The following MICU2 variants were observed in gnomAD, a reference collection of about 807,000 sequenced individuals.
MICU2 encodes mitochondrial calcium uptake 2.
MICU2 carries 64 observed loss-of-function variants against 60.4 expected under a neutral mutation model. That is an observed-to-expected ratio of 1.06 (90% CI 0.87 to 1.31). The LOEUF (loss-of-function observed/expected upper bound fraction) is 1.31, where lower values mean the gene tolerates loss of function less well. Among genes scored for constraint, MICU2 ranks in the 50% most tolerant of loss-of-function variants. The probability of loss-of-function intolerance (pLI) is 0.00; values close to 1 mark genes in which losing one functional copy is unlikely to be tolerated. For synonymous variants in MICU2, 201 were observed against 175.0 expected, an observed-to-expected ratio of 1.15 and a Z score of -1.17; for missense variants, 569 against 531.0, an observed-to-expected ratio of 1.07 and a Z score of -0.70.
chr13:21,567,109 A>T (rs1888003701), intron 1 of MICU2, among the ~76,000 whole-genome samples, 165 bp from the exon 2 acceptor site: 1 of 152,254 alleles, frequency 6.6e-6, no homozygotes, highest in South Asian at 2.1e-4. Context: ...CGCACTGAAG[A>T]TACAATAGTG....
intron 4 of MICU2, among the ~76,000 whole-genome samples, chr13:21,527,082 T>C (rs2138175089): frequency 1.3e-5 from 2 of 152,338 alleles, no homozygotes; most frequent in Middle Eastern, 6.8e-3. Flanking sequence ...TTGTTTCTAT[T>C]TTGGAGCAGG....
At position 21,514,405 on chromosome 13, in the gene MICU2, A is replaced by C; in HGVS notation, c.611T>G (p.Ile204Arg). 1 of 1,613,480 alleles carries C rather than the reference A, an allele frequency of 6.2e-7. No homozygotes were observed. Among genetic ancestry groups the C allele is most frequent in the East Asian group, 2.2e-5 (1 of 44,808 alleles). ...KREFFKLQKIISKQDDLMTVK... is the reference protein window; with the variant it reads ...KREFFKLQKIRSKQDDLMTVK... ...TGTCATCAAGTCATCTTGTTTACTT[A>C]TGATCTTCTGCAGCTAAAAAGATTA... Residue 204 changes from isoleucine to arginine, a missense_variant, in exon 7 of 12, where the codon ATA becomes AGA. Physicochemically the swap from Ile to Arg is moderately conservative, Grantham distance 97. Coordinates refer to ENST00000382374, the MANE Select transcript of MICU2 (RefSeq NM_152726.3).
At chr13:21,590,296 C>A (rs1342374453) in intron 1 of MICU2, among the ~76,000 whole-genome samples, 1 of 152,162 alleles carries the variant, frequency 6.6e-6, no homozygotes. Flanking sequence ...ATTCAACATT[C>A]TTAAAGAAAA....
chr13:21,505,015 A>T (rs7993735), intron 8 of MICU2, among the ~76,000 whole-genome samples: 148,378 of 152,264 alleles, frequency 0.97, 72,402 homozygotes, highest in Middle Eastern at 1. Context: ...TTTTTAACAA[A>T]CTCAGCCCTA....
intron 2 of MICU2, 96 bp downstream of exon 2, chr13:21,566,701 T>C (rs1015180200): frequency 9.5e-7 from 1 of 1,050,982 alleles, no homozygotes; most frequent in Non-Finnish European, 1.4e-6. Flanking sequence ...AAGATGATAA[T>C]TAAAATGAAG....
rs569988333 is a variant in MICU2 at position 21,575,354 on chromosome 13, T to C, written c.211-8410A>G. ...TCTTCCATAATTACCTTCCAAGAGGTACACCATAACTACATATATTTCTGT... is the reference window on the plus strand; with the variant it reads ...TCTTCCATAATTACCTTCCAAGAGGCACACCATAACTACATATATTTCTGT... On this transcript the variant is annotated intron_variant, in intron 1 of 11. Coordinates refer to ENST00000382374, the MANE Select transcript of MICU2 (RefSeq NM_152726.3). Among the ~76,000 whole-genome samples, 6 of 151,052 alleles carry C rather than the reference T, an allele frequency of 4.0e-5. No individual in the cohort carries two copies. The South Asian group carries it at 1.0e-3, about 26-fold the overall frequency.
Position 21,521,241 on chromosome 13 carries a change from T to C in MICU2, c.597+4A>G. ...TAAACCTAAAATAATTAGCGTCCACTTACCTTAAAAAATTCCCTTTTTTCA... is the reference window on the plus strand; with the variant it reads ...TAAACCTAAAATAATTAGCGTCCACCTACCTTAAAAAATTCCCTTTTTTCA... On this transcript the variant is annotated splice_donor_region_variant and intron_variant, in intron 6 of 11. Coordinates refer to ENST00000382374, the MANE Select transcript of MICU2 (RefSeq NM_152726.3). 6.3e-7 allele frequency: 1 copy of C among 1,593,918 alleles called. No homozygotes were observed. The highest frequency in any genetic ancestry group is 8.5e-7 in the Non-Finnish European group (1 of 1,171,286).
Position 21,493,133 on chromosome 13 carries a change from G to T in MICU2, c.*116C>A. Reference sequence around the variant, plus strand: ...GAATCAGAAAGCAAGTACAAGACATGCTTATTTCACACAGAATATCAATGA... The same window carrying T: ...GAATCAGAAAGCAAGTACAAGACATTCTTATTTCACACAGAATATCAATGA... On this transcript the variant is annotated 3_prime_UTR_variant, in exon 12 of 12. Transcript: ENST00000382374. The T allele has an allele frequency of 1.8e-6, 1 of 554,918 alleles. No homozygotes were observed. Among genetic ancestry groups the T allele is most frequent in the Non-Finnish European group, 3.0e-6 (1 of 336,534 alleles). The allele number at this position is 554,918 out of a possible 1,614,324, so 34.4% of individuals were successfully genotyped here. A position where few individuals can be genotyped will look rare whatever the true frequency, so the allele number is the denominator to read the frequency against.
intron 1 of MICU2, among the ~76,000 whole-genome samples, chr13:21,600,291 A>G (rs1888785389): frequency 6.6e-6 from 1 of 152,120 alleles, no homozygotes; most frequent in South Asian, 2.1e-4. Flanking sequence ...TTACTTCCAG[A>G]TCTCTGTAAA....
In MICU2 at chr13:21,525,555, C is replaced by T. The variant is rs1886830827; in HGVS notation, c.467-2905G>A. On this transcript the variant is annotated intron_variant, in intron 4 of 11. Coordinates refer to ENST00000382374, the MANE Select transcript of MICU2 (RefSeq NM_152726.3). ...CACAGCAGCTGTGGAAATACAAATT[C>T]CCACCAAATTTCTCCACATCCTCAA... Among the ~76,000 whole-genome samples the T allele has an allele frequency of 5.9e-5, 9 of 151,938 alleles. No individual in the cohort carries two copies. The South Asian group carries it at 1.9e-3, about 32-fold the overall frequency.
rs764279665 is a variant in MICU2, at chr13:21,604,137, A to G, written c.12T>C (p.Ala4=). MAA[A]AGSCARVAAW... ...CCGCCACCCGCGCGCAGCTACCCGC[A>G]GCCGCCGCCATCTTTGCGGAAGCGC... Residue 4 remains alanine, a synonymous_variant, in exon 1 of 12, where the codon GCT becomes GCC. Coordinates refer to ENST00000382374, the MANE Select transcript of MICU2 (RefSeq NM_152726.3). 7.6e-5 allele frequency: 119 copies of G among 1,559,836 alleles called. 1 individual carries two copies. The Admixed American group carries it at 2.1e-3, about 28-fold the overall frequency.
chr13:21,565,328 G>C (rs1417204505), intron 2 of MICU2, among the ~76,000 whole-genome samples: 1 of 151,832 alleles, frequency 6.6e-6, no homozygotes, highest in African/African-American at 2.4e-5. Flanking sequence ...AGGAGGTTGA[G>C]ACCAGCCTGG....
chr13:21,604,141 G>T lies in MICU2; in HGVS notation c.8C>A (p.Ala3Glu), dbSNP rs751781008. The T allele has an allele frequency of 6.4e-7, 1 of 1,557,058 alleles. No individual in the cohort carries two copies. The highest frequency in any genetic ancestry group is 8.7e-7 in the Non-Finnish European group (1 of 1,154,334). The change falls in exon 1 of 12, where the codon GCG becomes GAG. Residue 3 changes from alanine to glutamate, a missense_variant. Transcript: ENST00000382374. MA[A>E]AAGSCARVAA... ...CACCCGCGCGCAGCTACCCGCAGCC[G>T]CCGCCATCTTTGCGGAAGCGCAGCT...
intron 4 of MICU2, among the ~76,000 whole-genome samples, chr13:21,523,776 A>G (rs1886783752): frequency 1.3e-5 from 2 of 152,236 alleles, no homozygotes; most frequent in African/African-American, 2.4e-5. Context: ...TGAGTAGTAC[A>G]GCAGGATTTC....
intron 7 of MICU2, among the ~76,000 whole-genome samples, chr13:21,511,951 A>G (rs1886439732): frequency 6.6e-6 from 1 of 152,164 alleles, no homozygotes; most frequent in Admixed American, 6.5e-5. Flanking sequence ...AACAAAAGAT[A>G]TCTAGATTGT....
intron 8 of MICU2, among the ~76,000 whole-genome samples, chr13:21,508,119 CTCT>C (rs1307091550): frequency 1.3e-5 from 2 of 149,794 alleles, no homozygotes; most frequent in African/African-American, 5.0e-5. Flanking sequence ...TAGTTCAAGG[CTCT>C]TCTTTCTTTT....
intron 9 of MICU2, 93 bp downstream of exon 9, chr13:21,502,833 C>T (rs1175250751): frequency 1.7e-6 from 2 of 1,201,236 alleles, no homozygotes; most frequent in African/African-American, 3.1e-5. Context: ...TCGAGGGTAG[C>T]ACAGTCTTGG....
intron 2 of MICU2, among the ~76,000 whole-genome samples, chr13:21,553,225 CTCTG>C (rs1357769930): frequency 2.6e-5 from 4 of 152,076 alleles, no homozygotes; most frequent in South Asian, 2.1e-4. Context: ...TGATTTGGCT[CTCTG>C]TCTGTTACTG....
chr13:21,566,111 C>T (rs991653458), intron 2 of MICU2, among the ~76,000 whole-genome samples: 2 of 152,140 alleles, frequency 1.3e-5, no homozygotes, highest in Non-Finnish European at 2.9e-5. Flanking sequence ...GTTTATAATG[C>T]TGTCCCATGT....
Sources: gnomAD v4.1 joint callset for allele counts (sites outside exome capture counted in the v4.1 genomes callset) on GRCh38, gnomAD v4.1.1 for gene constraint, MANE v1.5 for transcripts, NCBI Gene and HGNC (gene_info 2026-07-23, HGNC 2026-07-21) for gene names.